The following SLC6A20 variants were observed in gnomAD, a reference collection of about 807,000 sequenced individuals.
The protein encoded by SLC6A20 is sodium- and chloride-dependent transporter XTRP3.
A neutral mutation model predicts 64.3 loss-of-function variants in SLC6A20; 73 were observed. That is an observed-to-expected ratio of 1.14 (90% CI 0.94 to 1.38). The LOEUF (loss-of-function observed/expected upper bound fraction) is 1.38, where lower values mean the gene tolerates loss of function less well. Ranked by LOEUF, SLC6A20 falls within the 40% of genes most tolerant of loss-of-function variation. The pLI, the probability that SLC6A20 is intolerant of heterozygous loss-of-function variation, is 0.00. For synonymous variants in SLC6A20, 347 were observed against 329.6 expected (o/e 1.05, Z -0.57); for missense variants, 725 against 772.8 (o/e 0.94, Z 0.73).
intron 3 of SLC6A20, among the ~76,000 whole-genome samples, chr3:45,776,945 A>G (rs1264276160): frequency 6.6e-6 from 1 of 152,188 alleles, no homozygotes; most frequent in Non-Finnish European, 1.5e-5. Context: ...TCAATGGTGC[A>G]TGCATCATGA....
chr3:45,779,774 G>A (rs1263293152), intron 3 of SLC6A20, among the ~76,000 whole-genome samples: 3 of 152,228 alleles, frequency 2.0e-5, no homozygotes, highest in Admixed American at 1.3e-4. Context: ...CCAAGAACAC[G>A]CACACTCTCA....
At chr3:45,759,313 CCTT>C (rs1446159422) in intron 10 of SLC6A20, among the ~76,000 whole-genome samples, 186 bp from the exon 11 acceptor site, 7 of 152,240 alleles carry the variant, frequency 4.6e-5, no homozygotes, top group East Asian at 1.9e-4. Context: ...ACTGCCCTCA[CCTT>C]CTTTTTCTTC....
intron 1 of SLC6A20, among the ~76,000 whole-genome samples, chr3:45,786,882 C>T (rs918986152): frequency 3.3e-5 from 5 of 152,212 alleles, no homozygotes; most frequent in Admixed American, 6.5e-5. Flanking sequence ...CCATATTACC[C>T]CAGATGAGTG....
rs1048893538 is a variant in SLC6A20, at chr3:45,775,654, G to C, written c.582+107C>G. On this transcript the variant is annotated intron_variant, in intron 4 of 10. Coordinates refer to ENST00000358525, the MANE Select transcript of SLC6A20 (RefSeq NM_020208.4). The stretch of plus-strand genomic sequence containing the variant: ...ACATAGCTGCTGCCTTTCCACTGCA[G>C]AGGGCACTCCCTTGGCATTGCCTAG... 5.6e-6 allele frequency: 6 copies of C among 1,076,664 alleles called. No individual in the cohort carries two copies. In the African/African-American group the frequency reaches 7.9e-5, roughly 14 times the overall value. The allele number at this position is 1,076,664 out of a possible 1,614,324, so 66.7% of individuals were successfully genotyped here. A position where few individuals can be genotyped will look rare whatever the true frequency, so the allele number is the denominator to read the frequency against.
At chr3:45,767,215 T>C (rs746499147) in intron 7 of SLC6A20, among the ~76,000 whole-genome samples, 4 of 152,232 alleles carry the variant, frequency 2.6e-5, no homozygotes, top group Admixed American at 2.6e-4. Flanking sequence ...ATGATTATCA[T>C]GAGCCAGCAA....
intron 2 of SLC6A20, among the ~76,000 whole-genome samples, chr3:45,781,419 C>A (rs928312314): frequency 2.0e-5 from 3 of 152,182 alleles, no homozygotes; most frequent in Non-Finnish European, 2.9e-5. Flanking sequence ...GCATCACAGG[C>A]TATGGCTACT....
intron 3 of SLC6A20, among the ~76,000 whole-genome samples, chr3:45,777,585 C>G (rs1575431924): frequency 6.6e-6 from 1 of 152,222 alleles, no homozygotes; most frequent in Admixed American, 6.5e-5. Flanking sequence ...GCCTCTCACC[C>G]TCTTGGAGAC....
intron 1 of SLC6A20, among the ~76,000 whole-genome samples, chr3:45,792,471 G>A (rs1575439293): frequency 6.6e-6 from 1 of 152,314 alleles, no homozygotes; most frequent in East Asian, 1.9e-4. Flanking sequence ...CCTGGCACAT[G>A]CTAGGAGCCC....
At chr3:45,766,022 G>A (rs150327734) in intron 7 of SLC6A20, among the ~76,000 whole-genome samples, 185 of 152,316 alleles carry the variant, frequency 1.2e-3, no homozygotes, top group African/African-American at 3.7e-3. Flanking sequence ...CTGGATGAAA[G>A]ATAATAAAAC....
intron 1 of SLC6A20, among the ~76,000 whole-genome samples, chr3:45,785,613 T>TCTCTCTCTC (rs1700157049): frequency 7.1e-6 from 1 of 141,016 alleles, no homozygotes; most frequent in African/African-American, 2.7e-5. Context: ...AAACTCCCCT[T>TCTCTCTCTC]TCTCTCTCTC....
chr3:45,762,813 G>C, intron 9 of SLC6A20, 100 bp downstream of exon 9: 1 of 1,459,052 alleles, frequency 6.9e-7, no homozygotes, highest in Non-Finnish European at 9.4e-7. Context: ...GCTTAAAGAA[G>C]AGGTGAAGAT....
chr3:45,786,062 G>A (rs372297843), intron 1 of SLC6A20, among the ~76,000 whole-genome samples: 7 of 152,266 alleles, frequency 4.6e-5, no homozygotes, highest in African/African-American at 1.4e-4. Context: ...AACAGTAAAG[G>A]AACAGCTCAG....
intron 1 of SLC6A20, among the ~76,000 whole-genome samples, chr3:45,784,961 C>G (rs977728962): frequency 6.6e-6 from 1 of 152,168 alleles, no homozygotes; most frequent in Non-Finnish European, 1.5e-5. Context: ...CAAAAACACT[C>G]CTGGGATAAT....
At chr3:45,771,196 G>T in intron 6 of SLC6A20, 21 bp downstream of exon 6, 1 of 1,613,894 alleles carries the variant, frequency 6.2e-7, no homozygotes, top group Non-Finnish European at 8.5e-7. Context: ...CCTGGGACTC[G>T]GTGGGACAGC....
chr3:45,759,990 C>T lies in SLC6A20; in HGVS notation c.1496G>A (p.Arg499Gln), dbSNP rs777392867. Residue 499 changes from arginine to glutamine, a missense_variant, in exon 10 of 11, where the codon CGA (arginine) becomes CAA (glutamine). Physicochemically the swap from Arg to Gln is conservative, Grantham distance 43 (BLOSUM62 1). Transcript: ENST00000358525. ...FESDLKAMTG[R>Q]AVSWYWKVMW... The stretch of plus-strand genomic sequence containing the variant: ...CACCTTCCAGTACCAGCTCACAGCT[C>T]GGCCGGTCATGGCCTTAAGGTCACT... 12 of 1,613,400 alleles carry T rather than the reference C, an allele frequency of 7.4e-6. No individual in the cohort carries two copies. Among genetic ancestry groups the T allele is most frequent in the South Asian group, 2.2e-5 (2 of 90,976 alleles).
chr3:45,756,780 A>G lies in SLC6A20; in HGVS notation c.*2198T>C, dbSNP rs1027821966. 3 of 152,216 alleles carry G rather than the reference A, an allele frequency of 2.0e-5. No homozygotes were observed. The highest frequency in any genetic ancestry group is 6.5e-5 in the Admixed American group (1 of 15,276). The allele number at this position is 152,216 out of a possible 1,614,324, so 9.4% of individuals were successfully genotyped here. A position where few individuals can be genotyped will look rare whatever the true frequency, so the allele number is the denominator to read the frequency against. On this transcript the variant is annotated 3_prime_UTR_variant, in exon 11 of 11. Transcript: ENST00000358525. ...CCTACTTTATTGCAGTTAAAAAAAG[A>G]AAAATTTTTTTGAGAAAAGAAATAA...
Position 45,763,034 on chromosome 3 carries a change from A to G in SLC6A20, c.1342T>C (p.Phe448Leu). 1 of 1,614,164 alleles carries G rather than the reference A, an allele frequency of 6.2e-7. No individual in the cohort carries two copies. Among genetic ancestry groups the G allele is most frequent in the Non-Finnish European group, 8.5e-7 (1 of 1,180,032 alleles). ...CAGTAGTTCCCAGCCTCCATCGTGAACACCATGCCAATGGCACAGTTGACA... is the reference window on the plus strand; with the variant it reads ...CAGTAGTTCCCAGCCTCCATCGTGAGCACCATGCCAATGGCACAGTTGACA... Reference protein sequence around the residue: ...CLVNCAIGMVFTMEAGNYWFD... With the variant: ...CLVNCAIGMVLTMEAGNYWFD... The change falls in exon 9 of 11, where the codon TTC becomes CTC. Residue 448 changes from phenylalanine (F) to leucine (L), a missense_variant. Coordinates refer to ENST00000358525, the MANE Select transcript of SLC6A20 (RefSeq NM_020208.4).
chr3:45,772,234 G>C, intron 5 of SLC6A20: 2 of 393,508 alleles, frequency 5.1e-6, no homozygotes, highest in Non-Finnish European at 9.2e-6. Flanking sequence ...AGTGGCAGGG[G>C]TGCAGCAGTT....
At chr3:45,768,608 G>A (rs574711526) in intron 7 of SLC6A20, among the ~76,000 whole-genome samples, 20 of 152,304 alleles carry the variant, frequency 1.3e-4, no homozygotes, top group African/African-American at 4.6e-4. Context: ...AACAGGCATG[G>A]AGCTAGGGCT....
Sources: gnomAD v4.1 joint callset for allele counts (sites outside exome capture counted in the v4.1 genomes callset) on GRCh38, gnomAD v4.1.1 for gene constraint, MANE v1.5 for transcripts, NCBI Gene and HGNC (gene_info 2026-07-23, HGNC 2026-07-21) for gene names.